The following NLRP8 variants were observed in gnomAD, a reference collection of about 807,000 sequenced individuals.
NLRP8 encodes NLR family pyrin domain containing 8.
NLRP8 carries 86 observed loss-of-function variants against 88.7 expected under a neutral mutation model. The ratio of observed to expected loss-of-function variants is 0.97; its 90% CI spans 0.81 to 1.16. NLRP8 has a LOEUF of 1.16. NLRP8 is among the 50% of genes most tolerant of loss of function. The pLI is 0.00. For missense variants in NLRP8, 1,342 were observed against 1,286.5 expected, an observed-to-expected ratio of 1.04 and a Z score of -0.66; for synonymous variants, 504 against 494.6, an observed-to-expected ratio of 1.02 and a Z score of -0.25.
At position 55,955,139 on chromosome 19, in the gene NLRP8, G is replaced by GA. The variant is rs1979280557; in HGVS notation, c.1087dup (p.Ile363AsnfsTer71). On this transcript the variant is annotated frameshift_variant, in exon 3 of 10. Coordinates refer to ENST00000291971, the MANE Select transcript of NLRP8 (RefSeq NM_176811.2). LOFTEE classifies it high-confidence loss of function. ...AACCCTTCCGGGGTTTAATACGATG[G>GA]AAAAAATCAAGTATTTCCAGATGTA... 1.9e-6 allele frequency: 3 copies of GA among 1,613,982 alleles called. No homozygotes were observed. Among genetic ancestry groups the GA allele is most frequent in the Non-Finnish European group, 2.5e-6 (3 of 1,179,894 alleles).
chr19:55,987,745 C>T, intron 9 of NLRP8: 2 of 1,156,364 alleles, frequency 1.7e-6, no homozygotes, highest in Non-Finnish European at 2.6e-6. Flanking sequence ...AGACAAAATG[C>T]AAGCTTAGGG....
intron 7 of NLRP8, among the ~76,000 whole-genome samples, chr19:55,975,210 G>T (rs1305183361): frequency 6.6e-6 from 1 of 152,182 alleles, no homozygotes; most frequent in Non-Finnish European, 1.5e-5. Context: ...CTGCCTGCGT[G>T]AATTCCCATC....
rs536128400 is a variant in NLRP8, at chr19:55,978,276, C to T, written c.2877-1118C>T. 1.6e-4 allele frequency among the ~76,000 whole-genome samples: 25 copies of T among 151,950 alleles called. 1 individual carries two copies. In the South Asian group the frequency reaches 3.1e-3, roughly 19 times the overall value. ...TGGAGATATACGTAATGTTAAATGG[C>T]GAGTTACTGAGATTATTTTTTAATC... On this transcript the variant is annotated intron_variant, in intron 8 of 9. Coordinates refer to ENST00000291971, the MANE Select transcript of NLRP8 (RefSeq NM_176811.2).
At chr19:55,981,307 C>T (rs760681138) in intron 9 of NLRP8, among the ~76,000 whole-genome samples, 149 bp downstream of exon 10, 3 of 151,598 alleles carry the variant, frequency 2.0e-5, no homozygotes, top group Admixed American at 6.6e-5. Context: ...TGGCTCCATT[C>T]GTTCTGGGAA....
chr19:55,955,080 C>G lies in NLRP8; in HGVS notation c.1022C>G (p.Thr341Arg). ...ATGATAAGATTTACCTCTTGGCAGACATGCAAGCCCTTGCTGAAATGTCCC... is the reference window on the plus strand; with the variant it reads ...ATGATAAGATTTACCTCTTGGCAGAGATGCAAGCCCTTGCTGAAATGTCCC... Residue 341 changes from threonine (T) to arginine (R), a missense_variant, in exon 3 of 10, where the codon ACA becomes AGA. Transcript: ENST00000291971. The G allele has an allele frequency of 1.2e-6, 2 of 1,614,114 alleles. No individual in the cohort carries two copies. The highest frequency in any genetic ancestry group is 1.7e-6 in the Non-Finnish European group (2 of 1,179,994).
intron 9 of NLRP8, among the ~76,000 whole-genome samples, chr19:55,981,624 A>G (rs1980575935): frequency 6.6e-6 from 1 of 152,232 alleles, no homozygotes; most frequent in African/African-American, 2.4e-5. Context: ...CCTGTTCTTA[A>G]CGTGTCTGGG....
intron 2 of NLRP8, among the ~76,000 whole-genome samples, chr19:55,952,922 C>A (rs1568458414): frequency 6.6e-6 from 1 of 151,400 alleles, no homozygotes; most frequent in Non-Finnish European, 1.5e-5. Context: ...GACTCCATCT[C>A]AAAAAAAATA....
intron 3 of NLRP8, among the ~76,000 whole-genome samples, chr19:55,960,944 C>T (rs951045682): frequency 6.3e-5 from 9 of 143,054 alleles, no homozygotes; most frequent in African/African-American, 1.3e-4. Context: ...CACTGTCACC[C>T]GGGCTAGAGT....
intron 9 of NLRP8, among the ~76,000 whole-genome samples, chr19:55,983,012 C>T (rs73615408): frequency 0.098 from 14,892 of 151,962 alleles, 1,582 homozygotes; most frequent in African/African-American, 0.27. Flanking sequence ...GAGTTCCCAC[C>T]GGCCAAATCT....
At chr19:55,949,514 A>G (rs1391978640) in intron 1 of NLRP8, among the ~76,000 whole-genome samples, 1 of 152,224 alleles carries the variant, frequency 6.6e-6, no homozygotes, top group Non-Finnish European at 1.5e-5. Context: ...CTGGAATTAC[A>G]GGTGTGAGCC....
At position 55,966,266 on chromosome 19, in the gene NLRP8, C is replaced by T. The variant is rs764631988; in HGVS notation, c.2267C>T (p.Thr756Met). 8.7e-6 allele frequency: 14 copies of T among 1,613,946 alleles called. No individual in the cohort carries two copies. Among genetic ancestry groups the T allele is most frequent in the Admixed American group, 6.7e-5 (4 of 59,988 alleles). The change falls in exon 5 of 10, where the codon ACG becomes ATG. Residue 756 changes from threonine (T) to methionine (M), a missense_variant. Thr to Met is a moderately conservative substitution (Grantham distance 81). Transcript: ENST00000291971. ...AACCAGGACTTAATCGGTGTTTTGA[C>T]GGGGAACCAGCATCTGAGATACTTG... is the stretch of plus-strand genomic sequence containing the variant.
At chr19:55,985,802 G>C (rs1980781223) in intron 9 of NLRP8, among the ~76,000 whole-genome samples, 2 of 152,114 alleles carry the variant, frequency 1.3e-5, no homozygotes, top group South Asian at 2.1e-4. Flanking sequence ...GATCACCTGA[G>C]GTCAGGAGTT....
Position 55,966,256 on chromosome 19 carries a change from G to A in NLRP8, c.2257G>A (p.Gly753Ser), listed in dbSNP as rs763415898. The A allele has an allele frequency of 8.7e-6, 14 of 1,613,976 alleles. No individual in the cohort carries two copies. The South Asian group carries it at 1.3e-4, about 15-fold the overall frequency. The change falls in exon 5 of 10, where the codon GGT becomes AGT. Residue 753 changes from glycine to serine, a missense_variant. Transcript: ENST00000291971. ...CACCATGTTGAACCAGGACTTAATC[G>A]GTGTTTTGACGGGGAACCAGCATCT...
At chr19:55,951,831 C>A (rs553728294) in intron 1 of NLRP8, among the ~76,000 whole-genome samples, 1 of 152,288 alleles carries the variant, frequency 6.6e-6, no homozygotes, top group East Asian at 1.9e-4. Context: ...CTCCCTTCAG[C>A]CTCTGCCTCC....
At chr19:55,959,853 A>G (rs553871883) in intron 3 of NLRP8, among the ~76,000 whole-genome samples, 10 of 152,306 alleles carry the variant, frequency 6.6e-5, no homozygotes, top group African/African-American at 1.9e-4. Context: ...CTTCTAATCT[A>G]TAAGGAAGGT....
Position 55,973,526 on chromosome 19 carries a change from G to C in NLRP8, c.2535-126G>C, listed in dbSNP as rs543798828. ...TTCCTTGAAAGCTTGGAAGTCCTGA[G>C]TGGTGATGACAGAGGTGTGAGGATG... On this transcript the variant is annotated intron_variant, in intron 6 of 9. Transcript: ENST00000291971. 121 of 764,246 alleles carry C rather than the reference G, an allele frequency of 1.6e-4. 1 individual carries two copies. In the South Asian group the frequency reaches 3.1e-3, roughly 20 times the overall value. 47.3% of individuals were successfully genotyped at this position (764,246 alleles called of 1,614,324 possible).
At chr19:55,976,079 GTTGTT>G in intron 7 of NLRP8, 49 bp from the exon 8 acceptor site, 3 of 1,402,042 alleles carry the variant, frequency 2.1e-6, no homozygotes, top group South Asian at 1.5e-5. Context: ...TGTTGTTGTT[GTTGTT>G]TTGTTGTAGT....
chr19:55,981,680 A>C (rs2123229392), intron 9 of NLRP8, among the ~76,000 whole-genome samples: 1 of 152,314 alleles, frequency 6.6e-6, no homozygotes, highest in East Asian at 1.9e-4. Context: ...AAATGTAGCA[A>C]GTACTGGAAA....
intron 9 of NLRP8, among the ~76,000 whole-genome samples, chr19:55,985,175 C>T (rs113908073): frequency 4.1e-4 from 63 of 152,112 alleles, no homozygotes; most frequent in Admixed American, 1.2e-3. Context: ...TGGTGGCGGG[C>T]GCCTGTAATC....
Sources: gnomAD v4.1 joint callset for allele counts (sites outside exome capture counted in the v4.1 genomes callset) on GRCh38, gnomAD v4.1.1 for gene constraint, MANE v1.5 for transcripts, NCBI Gene and HGNC (gene_info 2026-07-23, HGNC 2026-07-21) for gene names.